The following COMMD10 variants were observed in gnomAD, a reference collection of about 807,000 sequenced individuals.
The protein encoded by COMMD10 is COMM domain-containing protein 10.
Under a neutral mutation model 28.9 loss-of-function variants are expected in COMMD10, and 33 were observed. The observed-to-expected ratio is 1.14, with a 90% CI of 0.87 to 1.53. The LOEUF is 1.53. COMMD10 is among the 40% of genes most tolerant of loss of function. The pLI is 0.00. For missense variants in COMMD10, 310 were observed against 233.4 expected, an observed-to-expected ratio of 1.33 and a Z score of -2.14; for synonymous variants, 110 against 81.7, an observed-to-expected ratio of 1.35 and a Z score of -1.87.
At chr5:116,147,892 T>C (rs1237035087) in intron 5 of COMMD10, among the ~76,000 whole-genome samples, 1 of 151,898 alleles carries the variant, frequency 6.6e-6, no homozygotes, top group Non-Finnish European at 1.5e-5. Context: ...AGTCTGTCCA[T>C]TGTAAACTAG....
intron 5 of COMMD10, among the ~76,000 whole-genome samples, chr5:116,195,446 A>G (rs1307658175): frequency 6.6e-6 from 1 of 152,186 alleles, no homozygotes; most frequent in African/African-American, 2.4e-5. Context: ...AACTGGTAAA[A>G]GAATTCAGCA....
intron 5 of COMMD10, among the ~76,000 whole-genome samples, chr5:116,235,317 T>C (rs921063180): frequency 1.3e-5 from 2 of 152,218 alleles, no homozygotes; most frequent in African/African-American, 4.8e-5. Context: ...TCCCTTTGGC[T>C]GCAAATTGTA....
intron 5 of COMMD10, among the ~76,000 whole-genome samples, chr5:116,206,331 A>AT (rs1748812562): frequency 6.6e-6 from 1 of 152,094 alleles, no homozygotes; most frequent in Non-Finnish European, 1.5e-5. Context: ...TTTATCATTG[A>AT]TTTCTAGCAC....
intron 5 of COMMD10, among the ~76,000 whole-genome samples, chr5:116,191,542 T>A (rs961214746): frequency 6.6e-6 from 1 of 151,492 alleles, no homozygotes; most frequent in Non-Finnish European, 1.5e-5. Flanking sequence ...CCTGACAACC[T>A]GCATGACTCA....
chr5:116,169,621 A>G (rs946156146), intron 5 of COMMD10, among the ~76,000 whole-genome samples: 1 of 152,204 alleles, frequency 6.6e-6, no homozygotes, highest in African/African-American at 2.4e-5. Context: ...CCAGCAGCAT[A>G]TCAAATAGCT....
At chr5:116,165,790 T>C (rs1275443228) in intron 5 of COMMD10, among the ~76,000 whole-genome samples, 2 of 152,170 alleles carry the variant, frequency 1.3e-5, no homozygotes, top group African/African-American at 4.8e-5. Context: ...ATCAGTGCTG[T>C]ACCCTTGTGA....
intron 4 of COMMD10, among the ~76,000 whole-genome samples, chr5:116,104,169 TC>T (rs1750756414): frequency 6.6e-6 from 1 of 152,328 alleles, no homozygotes; most frequent in African/African-American, 2.4e-5. Context: ...GTAGTTTTTT[TC>T]CAATGCTGTG....
intron 5 of COMMD10, among the ~76,000 whole-genome samples, chr5:116,174,550 C>G (rs1191069602): frequency 1.3e-5 from 2 of 152,114 alleles, no homozygotes; most frequent in African/African-American, 4.8e-5. Context: ...ACCATTCAGT[C>G]ACGAGATGGT....
chr5:116,280,725 A>T (rs1225425136), intron 5 of COMMD10, among the ~76,000 whole-genome samples: 1 of 151,836 alleles, frequency 6.6e-6, no homozygotes, highest in Non-Finnish European at 1.5e-5. Flanking sequence ...TTATATCTCT[A>T]GGTTTTTGAA....
intron 5 of COMMD10, among the ~76,000 whole-genome samples, chr5:116,290,000 C>A (rs1751322574): frequency 6.6e-6 from 1 of 151,880 alleles, no homozygotes; most frequent in East Asian, 1.9e-4. Context: ...GGAAACACCA[C>A]CTTAAAACAA....
chr5:116,196,324 A>G (rs1264106504), intron 5 of COMMD10, among the ~76,000 whole-genome samples: 2 of 152,076 alleles, frequency 1.3e-5, no homozygotes, highest in Non-Finnish European at 2.9e-5. Flanking sequence ...AGAATGATAC[A>G]GTGGACTTCG....
At chr5:116,287,188 C>G (rs1751239849) in intron 5 of COMMD10, among the ~76,000 whole-genome samples, 1 of 151,564 alleles carries the variant, frequency 6.6e-6, no homozygotes, top group Non-Finnish European at 1.5e-5. Flanking sequence ...TGTACTTTTT[C>G]TTAAAGCTGC....
At chr5:116,171,172 G>T (rs1246536521) in intron 5 of COMMD10, among the ~76,000 whole-genome samples, 7 of 152,044 alleles carry the variant, frequency 4.6e-5, no homozygotes, top group Admixed American at 4.6e-4. Context: ...GCAAAGGATA[G>T]GAACAGACAC....
intron 5 of COMMD10, among the ~76,000 whole-genome samples, chr5:116,268,628 G>T (rs988402760): frequency 9.2e-5 from 14 of 151,826 alleles, no homozygotes; most frequent in African/African-American, 3.4e-4. Flanking sequence ...TATAAATCAT[G>T]CTGCTATAAA....
intron 5 of COMMD10, among the ~76,000 whole-genome samples, chr5:116,178,649 T>C (rs771016720): frequency 5.3e-5 from 8 of 152,100 alleles, no homozygotes; most frequent in Non-Finnish European, 1.2e-4. Context: ...CTTAATATTA[T>C]AGCATCAGGA....
intron 5 of COMMD10, among the ~76,000 whole-genome samples, chr5:116,162,299 T>C (rs1201756565): frequency 6.6e-6 from 1 of 152,162 alleles, no homozygotes; most frequent in Non-Finnish European, 1.5e-5. Context: ...TTAATAAGAC[T>C]GCAGTACAAG....
At chr5:116,135,323 C>G (rs1338041906) in intron 5 of COMMD10, among the ~76,000 whole-genome samples, 1 of 152,144 alleles carries the variant, frequency 6.6e-6, no homozygotes, top group African/African-American at 2.4e-5. Context: ...GCTATTCATT[C>G]TATTATGCAG....
chr5:116,281,886 A>G (rs1013844032), intron 5 of COMMD10, among the ~76,000 whole-genome samples: 7 of 151,808 alleles, frequency 4.6e-5, no homozygotes, highest in Non-Finnish European at 1.0e-4. Context: ...GCCTCAGGCT[A>G]CCTCTGTTTT....
intron 5 of COMMD10, among the ~76,000 whole-genome samples, chr5:116,229,270 G>A (rs1749471194): frequency 6.6e-6 from 1 of 152,004 alleles, no homozygotes; most frequent in Non-Finnish European, 1.5e-5. Flanking sequence ...GTCTGATACA[G>A]GCATTTTGGG....
Sources: gnomAD v4.1 joint callset for allele counts (sites outside exome capture counted in the v4.1 genomes callset) on GRCh38, gnomAD v4.1.1 for gene constraint, MANE v1.5 for transcripts, NCBI Gene and HGNC (gene_info 2026-07-23, HGNC 2026-07-21) for gene names.